RASGRF2: variants seen among roughly 807,000 people sequenced by gnomAD.
RASGRF2 encodes the protein Ras protein specific guanine nucleotide releasing factor 2, also known as ras-specific guanine nucleotide-releasing factor 2.
A neutral mutation model predicts 151.0 loss-of-function variants in RASGRF2; 76 were observed. That is an observed-to-expected ratio of 0.50 (90% CI 0.42 to 0.61). The LOEUF (loss-of-function observed/expected upper bound fraction) is 0.61. Ranked by LOEUF, RASGRF2 falls within the 20% of genes least tolerant of loss-of-function variation. RASGRF2 has a pLI of 0.00. For synonymous variants in RASGRF2, 504 were observed against 566.5 expected, an observed-to-expected ratio of 0.89 and a Z score of 1.57; for missense variants, 1,148 against 1,564.6, an observed-to-expected ratio of 0.73 and a Z score of 4.49.
chr5:81,082,066 C>G (rs559828597), intron 7 of RASGRF2, among the ~76,000 whole-genome samples: 2 of 152,210 alleles, frequency 1.3e-5, no homozygotes, highest in South Asian at 4.2e-4. Flanking sequence ...GGTTATGATT[C>G]AGTACCCCAA....
chr5:81,116,162 A>C (rs1419416006), intron 15 of RASGRF2, among the ~76,000 whole-genome samples: 1 of 131,612 alleles, frequency 7.6e-6, no homozygotes, highest in Non-Finnish European at 1.5e-5. Context: ...GACTCACTGC[A>C]ACCTCTGCCT....
At chr5:81,193,824 T>G (rs958542245) in intron 18 of RASGRF2, among the ~76,000 whole-genome samples, 3 of 152,216 alleles carry the variant, frequency 2.0e-5, no homozygotes, top group Non-Finnish European at 4.4e-5. Flanking sequence ...AGCTCGATAG[T>G]TGCTTTATCT....
rs752665731 is a variant in RASGRF2, at chr5:81,070,526, G to A, written c.578G>A (p.Arg193Gln). The A allele has an allele frequency of 1.7e-5, 28 of 1,611,302 alleles. No homozygotes were observed. Among genetic ancestry groups the A allele is most frequent in the East Asian group, 2.2e-5 (1 of 44,862 alleles). Reference protein sequence around the residue: ...IALNKTKERMRPYQSNQEDED... With the variant: ...IALNKTKERMQPYQSNQEDED... ...CTTAATAAAACCAAAGAACGAATGC[G>A]ACCTTACCAAAGCAACCAAGAAGAC... Residue 193 changes from arginine (R) to glutamine (Q), a missense_variant, in exon 4 of 27, where the codon CGA (arginine) becomes CAA (glutamine). Around this residue, in one of 5 missense-constraint regions of RASGRF2, gnomAD observed 221 missense variants for 271.3 expected, o/e 0.81. Transcript: ENST00000265080.
intron 17 of RASGRF2, among the ~76,000 whole-genome samples, chr5:81,168,945 CCTT>C (rs1754579662): frequency 6.6e-6 from 1 of 152,216 alleles, no homozygotes; most frequent in South Asian, 2.1e-4. Context: ...TTGCTCTCCT[CCTT>C]CTTTTGGTCT....
chr5:81,043,036 G>A, intron 2 of RASGRF2, 53 bp downstream of exon 2: 1 of 1,358,806 alleles, frequency 7.4e-7, no homozygotes, highest in South Asian at 1.3e-5. Context: ...CCTGCATTGG[G>A]GTTATCACTG....
chr5:80,962,463 G>A (rs1413244947), intron 1 of RASGRF2, among the ~76,000 whole-genome samples: 3 of 151,774 alleles, frequency 2.0e-5, no homozygotes, highest in Non-Finnish European at 2.9e-5. Flanking sequence ...CCAAGGCCCC[G>A]CAGGAACCAA....
chr5:81,201,354 A>C lies in RASGRF2; in HGVS notation c.2818A>C (p.Lys940Gln), dbSNP rs1305256835. 1.2e-6 allele frequency: 2 copies of C among 1,612,914 alleles called. No individual in the cohort carries two copies. Among genetic ancestry groups the C allele is most frequent in the South Asian group, 2.2e-5 (2 of 90,946 alleles). ...AQDFELNNEL[K>Q]MNVLNLLEEV... ...GGATTTCGAACTCAACAATGAACTAAAGATGAATGTCCTAAATTTGCTAGA... is the reference window on the plus strand; with the variant it reads ...GGATTTCGAACTCAACAATGAACTACAGATGAATGTCCTAAATTTGCTAGA... Residue 940 changes from lysine to glutamine, a missense_variant, in exon 19 of 27, where the codon AAG (lysine) becomes CAG (glutamine). This residue lies in a region of RASGRF2 where 646 missense variants were observed against 807.4 expected (regional missense o/e 0.80). Coordinates refer to ENST00000265080, the MANE Select transcript of RASGRF2 (RefSeq NM_006909.3).
Position 81,073,284 on chromosome 5 carries a change from G to A in RASGRF2, c.719G>A (p.Ser240Asn), listed in dbSNP as rs1159486533. The A allele has an allele frequency of 6.2e-7, 1 of 1,613,966 alleles. No individual in the cohort carries two copies. Among genetic ancestry groups the A allele is most frequent in the Non-Finnish European group, 8.5e-7 (1 of 1,179,952 alleles). ...TACATTTGTTCTCCTCATGCTGAAA[G>A]TATGAGGAAGAGAAACCAGATTGTG... ...QDYICSPHAE[S>N]MRKRNQIVFT... is the part of the protein sequence containing the mutation. Residue 240 changes from serine to asparagine, a missense_variant, in exon 5 of 27, where the codon AGT (serine) becomes AAT (asparagine). Ser to Asn is a conservative substitution (Grantham distance 46). This residue lies in a region of RASGRF2 where 176 missense variants were observed against 309.6 expected (regional missense o/e 0.57). Coordinates refer to ENST00000265080, the MANE Select transcript of RASGRF2 (RefSeq NM_006909.3).
At chr5:81,116,373 A>G (rs59441376) in intron 15 of RASGRF2, among the ~76,000 whole-genome samples, 11,473 of 152,028 alleles carry the variant, frequency 0.075, 1,399 homozygotes, top group African/African-American at 0.26. Context: ...ATGAGCCACC[A>G]TACCCAGCCA....
intron 5 of RASGRF2, among the ~76,000 whole-genome samples, chr5:81,074,326 G>A (rs1042631841): frequency 6.6e-6 from 1 of 152,136 alleles, no homozygotes; most frequent in African/African-American, 2.4e-5. Context: ...AGAAGGGAAT[G>A]GGAGAAGGGG....
At chr5:81,124,057 T>C (rs1328078170) in intron 16 of RASGRF2, among the ~76,000 whole-genome samples, 2 of 152,198 alleles carry the variant, frequency 1.3e-5, no homozygotes. Flanking sequence ...CTAAACATTA[T>C]AGTATGACAG....
intron 1 of RASGRF2, among the ~76,000 whole-genome samples, chr5:80,970,351 G>C (rs931394975): frequency 6.6e-6 from 1 of 152,216 alleles, no homozygotes; most frequent in Non-Finnish European, 1.5e-5. Context: ...TTGCAAGGGA[G>C]AGGTATGAAC....
intron 19 of RASGRF2, among the ~76,000 whole-genome samples, chr5:81,202,636 C>G (rs9968731): frequency 6.6e-6 from 1 of 152,012 alleles, no homozygotes; most frequent in Non-Finnish European, 1.5e-5. Context: ...CAAAATGGAC[C>G]TCATTTGGAA....
At chr5:81,049,644 G>A (rs1561577551) in intron 2 of RASGRF2, among the ~76,000 whole-genome samples, 1 of 150,878 alleles carries the variant, frequency 6.6e-6, no homozygotes, top group Non-Finnish European at 1.5e-5. Context: ...CGTGTAGATA[G>A]AGCTGCTCTT....
intron 1 of RASGRF2, among the ~76,000 whole-genome samples, chr5:80,978,519 A>G (rs1330062400): frequency 6.6e-6 from 1 of 152,232 alleles, no homozygotes; most frequent in Non-Finnish European, 1.5e-5. Flanking sequence ...ACAGTGGCTC[A>G]TGCCTATAAT....
intron 22 of RASGRF2, among the ~76,000 whole-genome samples, chr5:81,211,206 C>A (rs1755624037): frequency 6.6e-6 from 1 of 151,082 alleles, no homozygotes; most frequent in Non-Finnish European, 1.5e-5. Context: ...CTCCTCTGTA[C>A]TAGACCAGAT....
Position 81,212,422 on chromosome 5 carries a change from C to T in RASGRF2, c.3213C>T (p.Ala1071=). Reference sequence around the variant, plus strand: ...ACTATGCTGATGTCAGCTCCCGTGCCAACGCCATCGAGAAATGGGTGGCAG... The same window carrying T: ...ACTATGCTGATGTCAGCTCCCGTGCTAACGCCATCGAGAAATGGGTGGCAG... ...IMNYADVSSR[A]NAIEKWVAVA... is the part of the protein sequence containing the mutation. Residue 1071 remains alanine, a synonymous_variant, in exon 23 of 27, where the codon GCC becomes GCT. Transcript: ENST00000265080. The T allele has an allele frequency of 6.2e-7, 1 of 1,614,004 alleles. No individual in the cohort carries two copies. Among genetic ancestry groups the T allele is most frequent in the East Asian group, 2.2e-5 (1 of 44,882 alleles).
At chr5:81,012,004 A>C (rs960973856) in intron 1 of RASGRF2, among the ~76,000 whole-genome samples, 6 of 152,160 alleles carry the variant, frequency 3.9e-5, no homozygotes, top group African/African-American at 1.4e-4. Flanking sequence ...GGTGGCCTGA[A>C]CTTTTATAGC....
At chr5:81,062,108 T>C (rs1335056091) in intron 2 of RASGRF2, among the ~76,000 whole-genome samples, 1 of 152,010 alleles carries the variant, frequency 6.6e-6, no homozygotes, top group Non-Finnish European at 1.5e-5. Context: ...TCCCAAAGTG[T>C]TGGGATTGTA....
Sources: allele counts gnomAD v4.1 joint callset (sites outside exome capture counted in the v4.1 genomes callset), GRCh38; gene constraint gnomAD v4.1.1; regional missense constraint gnomAD v4.1.1; transcripts MANE v1.5; gene names NCBI Gene and HGNC (gene_info 2026-07-23, HGNC 2026-07-21).